The following BMP5 variants were observed in gnomAD, a reference collection of about 807,000 sequenced individuals.
The protein encoded by BMP5 is bone morphogenetic protein 5.
Under a neutral mutation model 46.6 loss-of-function variants are expected in BMP5, and 23 were observed. The ratio of observed to expected loss-of-function variants is 0.49; its 90% CI spans 0.35 to 0.70. The LOEUF is 0.70. Among genes scored for constraint, BMP5 ranks in the 30% least tolerant of loss-of-function variants. The pLI is 0.00. For missense variants in BMP5, 545 were observed against 565.6 expected (o/e 0.96, Z 0.37); for synonymous variants, 204 against 191.9 (o/e 1.06, Z -0.52).
chr6:55,852,928 G>A (rs184598092), intron 1 of BMP5, among the ~76,000 whole-genome samples: 7 of 151,982 alleles, frequency 4.6e-5, no homozygotes, highest in Admixed American at 3.9e-4. Flanking sequence ...TCAGGAGATC[G>A]AGACCATCCT....
chr6:55,776,127 T>C (rs540035006), intron 3 of BMP5, among the ~76,000 whole-genome samples: 1 of 152,124 alleles, frequency 6.6e-6, no homozygotes, highest in East Asian at 1.9e-4. Flanking sequence ...AGATTTCTCT[T>C]TTAAATGCAA....
At chr6:55,867,224 A>G (rs1247297504) in intron 1 of BMP5, among the ~76,000 whole-genome samples, 1 of 152,038 alleles carries the variant, frequency 6.6e-6, no homozygotes, top group Non-Finnish European at 1.5e-5. Context: ...CCCGCTGAGT[A>G]TCTAAGGATT....
intron 1 of BMP5, among the ~76,000 whole-genome samples, chr6:55,829,919 T>C (rs945846481): frequency 6.6e-6 from 1 of 151,958 alleles, no homozygotes; most frequent in East Asian, 1.9e-4. Flanking sequence ...GTAACATATT[T>C]ATAATTTTTA....
At position 55,870,486 on chromosome 6, in the gene BMP5, A is replaced by ATTATATATTTTATAATATAT. The variant is rs576007536; in HGVS notation, c.490+3889_490+3890insATATATTATAAAATATATAA. ...GGCATAATTTATGAATATATACTAT[A>ATTATATATTTTATAATATAT]ATGGCTTTATATTATCTTTCCTTCC... On this transcript the variant is annotated intron_variant, in intron 1 of 6. Transcript: ENST00000370830. Among the ~76,000 whole-genome samples, 1,387 of 152,238 alleles carry ATTATATATTTTATAATATAT rather than the reference A, an allele frequency of 9.1e-3. 17 individuals carry two copies. Among genetic ancestry groups the ATTATATATTTTATAATATAT allele is most frequent in the Non-Finnish European group, 0.016 (1,083 of 68,012 alleles).
intron 2 of BMP5, among the ~76,000 whole-genome samples, chr6:55,811,683 T>C (rs62406253): frequency 6.6e-6 from 1 of 151,144 alleles, no homozygotes; most frequent in Non-Finnish European, 1.5e-5. Flanking sequence ...CCCTCTCTCT[T>C]TCTCCCTCTC....
chr6:55,821,091 G>A (rs1411595572), intron 1 of BMP5, among the ~76,000 whole-genome samples: 2 of 152,100 alleles, frequency 1.3e-5, no homozygotes, highest in South Asian at 2.1e-4. Flanking sequence ...AGGATCCTAA[G>A]CTAGAAGCAT....
At chr6:55,857,434 C>T (rs762071302) in intron 1 of BMP5, among the ~76,000 whole-genome samples, 21 of 152,186 alleles carry the variant, frequency 1.4e-4, no homozygotes, top group Non-Finnish European at 2.6e-4. Flanking sequence ...TACTTTCGCA[C>T]TCTTTCATAT....
intron 3 of BMP5, among the ~76,000 whole-genome samples, chr6:55,787,908 T>C (rs912007583): frequency 6.6e-6 from 1 of 151,654 alleles, no homozygotes. Context: ...CAGCATTTTT[T>C]GGGAAATACC....
intron 1 of BMP5, among the ~76,000 whole-genome samples, chr6:55,828,234 T>C (rs1344295302): frequency 1.3e-5 from 2 of 151,860 alleles, no homozygotes; most frequent in Non-Finnish European, 2.9e-5. Context: ...GTGAGTTTTC[T>C]TCTGAAATTG....
At chr6:55,773,340 C>T (rs894550021) in intron 4 of BMP5, among the ~76,000 whole-genome samples, 1 of 151,940 alleles carries the variant, frequency 6.6e-6, no homozygotes, top group African/African-American at 2.4e-5. Context: ...CTGGACTAAA[C>T]AAGGTACTTC....
intron 3 of BMP5, among the ~76,000 whole-genome samples, chr6:55,783,552 C>T (rs1775376783): frequency 6.6e-6 from 1 of 151,874 alleles, no homozygotes; most frequent in Admixed American, 6.6e-5. Context: ...AGCACTACTG[C>T]TAGTTTTGCA....
At chr6:55,854,417 G>C (rs1051261264) in intron 1 of BMP5, among the ~76,000 whole-genome samples, 3 of 151,734 alleles carry the variant, frequency 2.0e-5, no homozygotes, top group Admixed American at 2.0e-4. Context: ...CAATTTAAGA[G>C]GGTTAATCTA....
At chr6:55,816,812 CGTGTGT>C (rs147669437) in intron 2 of BMP5, among the ~76,000 whole-genome samples, 2 of 148,380 alleles carry the variant, frequency 1.3e-5, no homozygotes, top group Non-Finnish European at 3.0e-5. Context: ...TGTGCACGTA[CGTGTGT>C]GTGTGTGTGT....
Position 55,760,541 on chromosome 6 carries a change from T to C in BMP5, c.1028-8A>G, listed in dbSNP as rs766362298. The C allele has an allele frequency of 3.7e-6, 6 of 1,611,594 alleles. No individual in the cohort carries two copies. Among genetic ancestry groups the C allele is most frequent in the Non-Finnish European group, 5.1e-6 (6 of 1,178,024 alleles). ...GCTCACTTGTGTTATAATCTGAAGATAAAAACCACATTTTGAATAAATGGT... is the reference window on the plus strand; with the variant it reads ...GCTCACTTGTGTTATAATCTGAAGACAAAAACCACATTTTGAATAAATGGT... On this transcript the variant is annotated splice_polypyrimidine_tract_variant and splice_region_variant and intron_variant, in intron 4 of 6. Transcript: ENST00000370830.
At chr6:55,761,430 G>A (rs765126232) in intron 4 of BMP5, among the ~76,000 whole-genome samples, 55 of 151,930 alleles carry the variant, frequency 3.6e-4, no homozygotes, top group Non-Finnish European at 6.6e-4. Flanking sequence ...TCTCAGAGTG[G>A]TTACAAGGCT....
intron 2 of BMP5, among the ~76,000 whole-genome samples, chr6:55,817,803 A>G (rs1776313029): frequency 6.6e-6 from 1 of 152,200 alleles, no homozygotes; most frequent in Non-Finnish European, 1.5e-5. Context: ...ACTGTCCACA[A>G]TGACAAACAC....
At chr6:55,821,854 A>C (rs1304070130) in intron 1 of BMP5, among the ~76,000 whole-genome samples, 1 of 152,168 alleles carries the variant, frequency 6.6e-6, no homozygotes, top group Non-Finnish European at 1.5e-5. Context: ...ACTGATGTGC[A>C]TGTAAGAATG....
At chr6:55,777,599 C>G (rs1046221738) in intron 3 of BMP5, among the ~76,000 whole-genome samples, 2 of 151,882 alleles carry the variant, frequency 1.3e-5, no homozygotes, top group African/African-American at 4.8e-5. Context: ...GCTTAGTCAC[C>G]TTAGGATTCA....
intron 1 of BMP5, among the ~76,000 whole-genome samples, chr6:55,849,226 G>A (rs1198171291): frequency 6.6e-6 from 1 of 151,994 alleles, no homozygotes; most frequent in Non-Finnish European, 1.5e-5. Context: ...TCCTTATAGA[G>A]TTCATATTCT....
Sources: gnomAD v4.1 joint callset for allele counts (sites outside exome capture counted in the v4.1 genomes callset) on GRCh38, gnomAD v4.1.1 for gene constraint, MANE v1.5 for transcripts, NCBI Gene and HGNC (gene_info 2026-07-23, HGNC 2026-07-21) for gene names.